MCTP1: variants seen among roughly 807,000 people sequenced by gnomAD.
MCTP1 encodes multiple C2 and transmembrane domain containing 1, also known as multiple C2 and transmembrane domain-containing protein 1.
MCTP1 carries 69 observed loss-of-function variants against 120.6 expected under a neutral mutation model. The observed-to-expected ratio is 0.57, with a 90% CI of 0.47 to 0.70. The LOEUF is 0.70. Among genes scored for constraint, MCTP1 ranks in the 30% least tolerant of loss-of-function variants. MCTP1 has a pLI of 0.00. For missense variants in MCTP1, 1,203 were observed against 1,248.8 expected (o/e 0.96, Z 0.55); for synonymous variants, 529 against 493.1 (o/e 1.07, Z -0.96).
In MCTP1 at chr5:95,067,886, C is replaced by T. The variant is rs11958979; in HGVS notation, c.721-50402G>A. 2.2e-3 allele frequency among the ~76,000 whole-genome samples: 337 copies of T among 152,248 alleles called. 2 individuals are homozygous for T. Among genetic ancestry groups the T allele is most frequent in the Middle Eastern group, 0.014 (4 of 294 alleles). ...CACTATGCAGTGCAATAGATCACTA[C>T]AACTTATTCCTCCTAACTGAAAATT... On this transcript the variant is annotated intron_variant, in intron 1 of 22. Transcript: ENST00000515393.
At chr5:95,143,888 T>C (rs997400204) in intron 1 of MCTP1, among the ~76,000 whole-genome samples, 11 of 152,198 alleles carry the variant, frequency 7.2e-5, no homozygotes, top group African/African-American at 2.4e-4. Flanking sequence ...ATCTTTTATG[T>C]AGAAAATTTA....
At position 95,246,198 on chromosome 5, in the gene MCTP1, A is replaced by G. The variant is rs534227368; in HGVS notation, c.720+37658T>C. On this transcript the variant is annotated intron_variant, in intron 1 of 22. Transcript: ENST00000515393. ...GGAAACACTAAATATGGAAAGGAAT[A>G]ACTAGTACCAGCCACTGCAAAAACA... Among the ~76,000 whole-genome samples, 127 of 152,334 alleles carry G rather than the reference A, an allele frequency of 8.3e-4. 1 individual carries two copies. Among genetic ancestry groups the G allele is most frequent in the African/African-American group, 3.1e-3 (127 of 41,574 alleles).
intron 2 of MCTP1, among the ~76,000 whole-genome samples, chr5:95,001,821 C>G (rs1424009239): frequency 6.6e-6 from 1 of 152,186 alleles, no homozygotes; most frequent in African/African-American, 2.4e-5. Flanking sequence ...CTGCAGAAAT[C>G]TGCAGAAGTA....
intron 1 of MCTP1, among the ~76,000 whole-genome samples, chr5:95,085,045 C>G (rs187154832): frequency 6.6e-6 from 1 of 152,194 alleles, no homozygotes; most frequent in Admixed American, 6.5e-5. Flanking sequence ...ATCCTAGTAA[C>G]TTAAACCTCC....
intron 17 of MCTP1, among the ~76,000 whole-genome samples, chr5:94,828,129 C>T (rs1580900321): frequency 6.6e-6 from 1 of 152,110 alleles, no homozygotes; most frequent in African/African-American, 2.4e-5. Flanking sequence ...TTGGTGACTT[C>T]GGATGGAGTT....
chr5:94,753,007 G>A (rs1458085381), intron 19 of MCTP1, among the ~76,000 whole-genome samples: 1 of 152,204 alleles, frequency 6.6e-6, no homozygotes, highest in South Asian at 2.1e-4. Flanking sequence ...TTTTGATTAG[G>A]AGGGCTATAT....
At chr5:95,068,595 C>T (rs1250086464) in intron 1 of MCTP1, among the ~76,000 whole-genome samples, 2 of 152,164 alleles carry the variant, frequency 1.3e-5, no homozygotes, top group Non-Finnish European at 2.9e-5. Context: ...TTTAAGCTGT[C>T]AAGGACCTGA....
chr5:94,969,058 C>A (rs943125801), intron 2 of MCTP1, among the ~76,000 whole-genome samples: 5 of 152,060 alleles, frequency 3.3e-5, no homozygotes, highest in Admixed American at 6.5e-5. Context: ...TCTAAAAGTT[C>A]TAGACTATCC....
intron 2 of MCTP1, among the ~76,000 whole-genome samples, chr5:94,995,789 C>T (rs1347232040): frequency 6.6e-6 from 1 of 152,020 alleles, no homozygotes; most frequent in Non-Finnish European, 1.5e-5. Context: ...CTTGCAAAAG[C>T]TCCCCACCCC....
intron 3 of MCTP1, among the ~76,000 whole-genome samples, chr5:94,952,345 C>T (rs1820848883): frequency 6.6e-6 from 1 of 152,062 alleles, no homozygotes; most frequent in Non-Finnish European, 1.5e-5. Flanking sequence ...ATAAGCTACC[C>T]TCTTGTAATT....
Position 95,088,292 on chromosome 5 carries a change from C to A in MCTP1, c.721-70808G>T, listed in dbSNP as rs192330656. ...TTCTCACTTACTCTCACTCTAACCC[C>A]GTGGCCATTCATTTCAAAGCATCCT... On this transcript the variant is annotated intron_variant, in intron 1 of 22. Transcript: ENST00000515393. 6.0e-4 allele frequency among the ~76,000 whole-genome samples: 91 copies of A among 152,282 alleles called. 1 individual carries two copies. The highest frequency in any genetic ancestry group is 3.4e-3 in the Middle Eastern group (1 of 294).
intron 1 of MCTP1, among the ~76,000 whole-genome samples, chr5:95,124,765 C>T (rs900996926): frequency 6.6e-6 from 1 of 152,156 alleles, no homozygotes; most frequent in Non-Finnish European, 1.5e-5. Context: ...ATGGCTAAAC[C>T]GCTTAGTCCA....
intron 17 of MCTP1, among the ~76,000 whole-genome samples, chr5:94,825,521 T>C (rs1193969346): frequency 6.6e-6 from 1 of 152,084 alleles, no homozygotes; most frequent in African/African-American, 2.4e-5. Context: ...ATTCTGATGA[T>C]TTGGGGTGGA....
chr5:95,284,061 G>A lies in MCTP1; in HGVS notation c.515C>T (p.Pro172Leu). The A allele has an allele frequency of 1.9e-6, 3 of 1,540,172 alleles. No individual in the cohort carries two copies. The highest frequency in any genetic ancestry group is 2.6e-6 in the Non-Finnish European group (3 of 1,143,084). Residue 172 changes from proline to leucine, a missense_variant, in exon 1 of 23, where the codon CCT becomes CTT. Pro to Leu is a moderately conservative substitution (Grantham distance 98). Around this residue, in one of 2 missense-constraint regions of MCTP1, gnomAD observed 463 missense variants for 377.8 expected, o/e 1.23. Transcript: ENST00000515393. This position sits in a 1 kb window ranked among gnomAD's most constrained non-coding sequence, Gnocchi z 5.2. ...TCGGGCGCGGTCCCCCCTCGGGGGA[G>A]GCTGGGGCGAGGAGGACAGGGAGGA... Reference protein sequence around the residue: ...ASSSLSSSPQPPPRGDRARDE... With the variant: ...ASSSLSSSPQLPPRGDRARDE...
chr5:95,139,818 A>G (rs535945807), intron 1 of MCTP1, among the ~76,000 whole-genome samples: 2 of 152,386 alleles, frequency 1.3e-5, no homozygotes, highest in African/African-American at 4.8e-5. Flanking sequence ...TATCTAGCCC[A>G]CAGCCTGATG....
At position 94,991,088 on chromosome 5, in the gene MCTP1, A is replaced by C. The variant is rs534408088; in HGVS notation, c.838+26279T>G. 4.6e-5 allele frequency among the ~76,000 whole-genome samples: 7 copies of C among 152,346 alleles called. No individual in the cohort carries two copies. In the South Asian group the frequency reaches 1.0e-3, roughly 23 times the overall value. ...CACAATTTTAAATCTATAAATCATC[A>C]GTGTTTGTACCATTGAGCAATGGTA... On this transcript the variant is annotated intron_variant, in intron 2 of 22. Transcript: ENST00000515393.
At chr5:94,953,087 A>G in intron 3 of MCTP1, 132 bp downstream of exon 3, 1 of 748,558 alleles carries the variant, frequency 1.3e-6, no homozygotes, top group Non-Finnish European at 2.0e-6. Context: ...CATATTATCC[A>G]TAGATTAGAG....
intron 18 of MCTP1, among the ~76,000 whole-genome samples, chr5:94,780,547 T>C (rs1776352979): frequency 6.6e-6 from 1 of 152,180 alleles, no homozygotes. Flanking sequence ...AATGGTAGAA[T>C]TTTGAGGTCT....
intron 1 of MCTP1, among the ~76,000 whole-genome samples, chr5:95,135,561 C>T (rs145707356): frequency 1.1e-3 from 166 of 152,220 alleles, no homozygotes; most frequent in African/African-American, 3.5e-3. Flanking sequence ...CAGCTGCCAT[C>T]GAATATAAAG....
Sources: allele counts gnomAD v4.1 joint callset (sites outside exome capture counted in the v4.1 genomes callset), GRCh38; gene constraint gnomAD v4.1.1; regional missense constraint gnomAD v4.1.1; non-coding constraint Gnocchi (gnomAD v3.1); transcripts MANE v1.5; gene names NCBI Gene and HGNC (gene_info 2026-07-23, HGNC 2026-07-21).